Variants in TUBGCP3 observed in about 807,000 individuals in gnomAD.
TUBGCP3 encodes the protein tubulin gamma complex component 3.
In TUBGCP3, 50 loss-of-function variants were observed where a neutral mutation model predicts 123.1. That is an observed-to-expected ratio of 0.41 (90% CI 0.32 to 0.51). The LOEUF (loss-of-function observed/expected upper bound fraction) is 0.51. Ranked by LOEUF, TUBGCP3 falls within the 20% of genes least tolerant of loss-of-function variation. The probability of loss-of-function intolerance (pLI) is 0.36; values close to 1 mark genes in which losing one functional copy is unlikely to be tolerated. For missense variants in TUBGCP3, 882 were observed against 1,127.0 expected, an observed-to-expected ratio of 0.78 and a Z score of 3.11; for synonymous variants, 405 against 413.9, an observed-to-expected ratio of 0.98 and a Z score of 0.26.
At chr13:112,547,262 AAG>A (rs938177122) in intron 10 of TUBGCP3, 3 of 397,680 alleles carry the variant, frequency 7.5e-6, no homozygotes, top group Non-Finnish European at 1.3e-5. Flanking sequence ...AGGACCACAC[AAG>A]AGAGAAATCT....
At chr13:112,598,117 A>G in the TUBGCP3 span, among the ~76,000 whole-genome samples, 11 of 152,184 alleles carry the variant, frequency 7.2e-5, no homozygotes, top group Non-Finnish European at 2.9e-5. Context: ...TTCAGCAGAA[A>G]GAAAACATAG....
intron 17 of TUBGCP3, among the ~76,000 whole-genome samples, chr13:112,514,944 C>T (rs979086375): frequency 6.6e-6 from 1 of 152,076 alleles, no homozygotes; most frequent in Non-Finnish European, 1.5e-5. Context: ...TAATATCGTG[C>T]TATTAAAAAT....
intron 8 of TUBGCP3, among the ~76,000 whole-genome samples, chr13:112,553,282 C>T (rs951656865): frequency 1.7e-4 from 26 of 152,284 alleles, no homozygotes; most frequent in African/African-American, 6.0e-4. Context: ...CCATCAGTCA[C>T]GCTCCTACTC....
At chr13:112,532,386 G>A (rs148946515) in intron 11 of TUBGCP3, among the ~76,000 whole-genome samples, 12 of 152,294 alleles carry the variant, frequency 7.9e-5, no homozygotes, top group African/African-American at 2.4e-4. Context: ...ATTCAAGAAC[G>A]TAGAGTTTTA....
At chr13:112,550,822 G>A (rs1442132622) in intron 8 of TUBGCP3, among the ~76,000 whole-genome samples, 2 of 152,224 alleles carry the variant, frequency 1.3e-5, no homozygotes, top group African/African-American at 4.8e-5. Context: ...TATGCGGCCA[G>A]GTGCGGTGGC....
At chr13:112,498,938 T>C (rs1257541368) in intron 20 of TUBGCP3, 107 bp downstream of exon 20, 2 of 1,614,036 alleles carry the variant, frequency 1.2e-6, no homozygotes, top group South Asian at 2.2e-5. Flanking sequence ...CATCTCAACC[T>C]GTCTGACAAT....
intron 11 of TUBGCP3, among the ~76,000 whole-genome samples, chr13:112,544,281 G>A (rs535000513): frequency 1.0e-3 from 152 of 151,846 alleles, no homozygotes; most frequent in African/African-American, 2.9e-3. Flanking sequence ...GTGAAACCCC[G>A]TCTCTACTAA....
rs1276301135 is a variant in TUBGCP3, at chr13:112,554,941, A to T, written c.786T>A (p.Asp262Glu). The change falls in exon 7 of 22, where the codon GAT (aspartate) becomes GAA (glutamate). Residue 262 changes from aspartate (D) to glutamate (E), a missense_variant. Transcript: ENST00000261965. ...RDILYVFQGI[D>E]GKNIKMNNTE... Reference sequence around the variant, plus strand: ...TGTTGTTCATTTTGATGTTTTTGCCATCTATGCCCTGAAAGACGTACAAAA... The same window carrying T: ...TGTTGTTCATTTTGATGTTTTTGCCTTCTATGCCCTGAAAGACGTACAAAA... 1 of 1,613,346 alleles carries T rather than the reference A, an allele frequency of 6.2e-7. No homozygotes were observed. The highest frequency in any genetic ancestry group is 8.5e-7 in the Non-Finnish European group (1 of 1,179,860).
At chr13:112,536,131 G>A (rs568387821) in intron 11 of TUBGCP3, among the ~76,000 whole-genome samples, 16 of 152,368 alleles carry the variant, frequency 1.1e-4, no homozygotes, top group Admixed American at 9.1e-4. Flanking sequence ...CATTATGCCA[G>A]TATCACATTG....
At chr13:112,521,779 C>A (rs1876648205) in intron 14 of TUBGCP3, 1 of 985,266 alleles carries the variant, frequency 1.0e-6, no homozygotes, top group Non-Finnish European at 1.2e-6. Flanking sequence ...GCTCACGCTG[C>A]CTGGGCCGGG....
chr13:112,556,986 G>C (rs7139689), intron 5 of TUBGCP3, among the ~76,000 whole-genome samples: 23,966 of 152,062 alleles, frequency 0.16, 2,141 homozygotes, highest in Non-Finnish European at 0.21. Flanking sequence ...ATTTAGTACT[G>C]GTGCAATACT....
At chr13:112,597,697 A>G in the TUBGCP3 span, among the ~76,000 whole-genome samples, 1 of 152,172 alleles carries the variant, frequency 6.6e-6, no homozygotes, top group Non-Finnish European at 1.5e-5. Flanking sequence ...TGTGACCTTA[A>G]CAGCAGTTTA....
At position 112,547,761 on chromosome 13, in the gene TUBGCP3, C is replaced by T; in HGVS notation, c.1036-9G>A. Reference sequence around the variant, plus strand: ...TCATCCTCTAGTTGTAGCTAAAAAACAATAAAGATAGAAATGTTTAAGTAC... The same window carrying T: ...TCATCCTCTAGTTGTAGCTAAAAAATAATAAAGATAGAAATGTTTAAGTAC... On this transcript the variant is annotated splice_polypyrimidine_tract_variant and intron_variant, in intron 9 of 21. Coordinates refer to ENST00000261965, the MANE Select transcript of TUBGCP3 (RefSeq NM_006322.6). 6.9e-7 allele frequency: 1 copy of T among 1,454,776 alleles called. No individual in the cohort carries two copies. The highest frequency in any genetic ancestry group is 9.1e-7 in the Non-Finnish European group (1 of 1,099,226). The allele number at this position is 1,454,776 out of a possible 1,614,324, so 90.1% of individuals were successfully genotyped here.
At chr13:112,574,383 G>A (rs1881649908) in intron 1 of TUBGCP3, among the ~76,000 whole-genome samples, 2 of 142,550 alleles carry the variant, frequency 1.4e-5, no homozygotes, top group African/African-American at 2.7e-5. Flanking sequence ...GCTCAGTGTG[G>A]CTTCCCCTGC....
At position 112,498,790 on chromosome 13, in the gene TUBGCP3, G is replaced by A. The variant is rs1013007383; in HGVS notation, c.2448+255C>T. On this transcript the variant is annotated intron_variant, in intron 20 of 21. Transcript: ENST00000261965. Reference sequence around the variant, plus strand: ...CATTGTGGCACTCAGTAATGAAAACGGGCAGGAGATTTGTAATTCTCATGA... The same window carrying A: ...CATTGTGGCACTCAGTAATGAAAACAGGCAGGAGATTTGTAATTCTCATGA... The A allele has an allele frequency of 3.6e-5, 55 of 1,547,874 alleles. 1 individual carries two copies. In the South Asian group the frequency reaches 5.5e-4, roughly 15 times the overall value.
chr13:112,502,877 AG>A (rs909841251), intron 19 of TUBGCP3, among the ~76,000 whole-genome samples: 6 of 152,086 alleles, frequency 3.9e-5, no homozygotes, highest in African/African-American at 1.4e-4. Flanking sequence ...TTATCCTCAA[AG>A]TATTTTAAAC....
intron 2 of TUBGCP3, among the ~76,000 whole-genome samples, chr13:112,566,168 C>T (rs1594211071): frequency 6.6e-6 from 1 of 152,186 alleles, no homozygotes; most frequent in African/African-American, 2.4e-5. Flanking sequence ...AAGCTGCGGT[C>T]GTATTGGGTT....
the TUBGCP3 span, among the ~76,000 whole-genome samples, chr13:112,597,921 A>G: frequency 6.6e-6 from 1 of 152,172 alleles, no homozygotes; most frequent in African/African-American, 2.4e-5. Context: ...GACACTCCCA[A>G]TATGGCAAAA....
At position 112,545,632 on chromosome 13, in the gene TUBGCP3, T is replaced by C; in HGVS notation, c.1335+67A>G. 3 of 1,568,288 alleles carry C rather than the reference T, an allele frequency of 1.9e-6. No homozygotes were observed. Among genetic ancestry groups the C allele is most frequent in the South Asian group, 1.1e-5 (1 of 88,906 alleles). On this transcript the variant is annotated intron_variant, in intron 11 of 21. Coordinates refer to ENST00000261965, the MANE Select transcript of TUBGCP3 (RefSeq NM_006322.6). The surrounding 1 kb of genome is among the most constrained non-coding windows in gnomAD (Gnocchi z 4.1). ...AACATGGTAATCATGAGGGGAAAAA[T>C]GAAACAGCATAACTGCGTGCCCATG...
Sources: gnomAD v4.1 joint callset for allele counts (sites outside exome capture counted in the v4.1 genomes callset) on GRCh38, gnomAD v4.1.1 for gene constraint, Gnocchi (gnomAD v3.1) non-coding constraint, MANE v1.5 for transcripts, NCBI Gene and HGNC (gene_info 2026-07-23, HGNC 2026-07-21) for gene names.